The following SEL1L3 variants were observed in gnomAD, a reference collection of about 807,000 sequenced individuals.
SEL1L3 encodes protein sel-1 homolog 3.
SEL1L3 carries 76 observed loss-of-function variants against 142.8 expected under a neutral mutation model. That is an observed-to-expected ratio of 0.53 (90% confidence interval 0.44 to 0.64). The LOEUF (loss-of-function observed/expected upper bound fraction) is 0.64. SEL1L3 is among the 30% of genes least tolerant of loss of function. The pLI is 0.00. For missense variants in SEL1L3, 1,262 were observed against 1,381.7 expected, an observed-to-expected ratio of 0.91 and a Z score of 1.37; for synonymous variants, 504 against 519.6, an observed-to-expected ratio of 0.97 and a Z score of 0.41.
intron 23 of SEL1L3, chr4:25,756,731 C>A: frequency 9.0e-7 from 1 of 1,109,530 alleles, no homozygotes; most frequent in Non-Finnish European, 1.1e-6. Context: ...CAGCTAAATG[C>A]CCACTTTACG....
At position 25,819,823 on chromosome 4, in the gene SEL1L3, C is replaced by A. The variant is rs769169498; in HGVS notation, c.1408G>T (p.Glu470Ter). 1 of 1,611,564 alleles carries A rather than the reference C, an allele frequency of 6.2e-7. No individual in the cohort carries two copies. Among genetic ancestry groups the A allele is most frequent in the Non-Finnish European group, 8.5e-7 (1 of 1,179,100 alleles). ...CAACACTTACATGCTTCTTGTCTCT[C>A]GCCCCCGTGCTTTGCTGCAGATGCA... ...VYASAAKHGG[E>*]RQEACHLHNS... Residue 470 changes from glutamate (E) to a stop codon, truncating the protein, a stop_gained, in exon 8 of 24, where the codon GAG (glutamate) becomes TAG (stop). Coordinates refer to ENST00000399878, the MANE Select transcript of SEL1L3 (RefSeq NM_015187.5). LOFTEE classifies it high-confidence loss of function.
intron 7 of SEL1L3, among the ~76,000 whole-genome samples, chr4:25,820,363 G>A (rs2109258374): frequency 6.6e-6 from 1 of 152,350 alleles, no homozygotes; most frequent in South Asian, 2.1e-4. Flanking sequence ...GCAAGGCCAT[G>A]GCTTCAGGAC....
Position 25,804,641 on chromosome 4 carries a change from G to A in SEL1L3, c.1676C>T (p.Pro559Leu). 6.2e-7 allele frequency: 1 copy of A among 1,613,798 alleles called. No homozygotes were observed. Among genetic ancestry groups the A allele is most frequent in the Non-Finnish European group, 8.5e-7 (1 of 1,179,708 alleles). The change falls in exon 10 of 24, where the codon CCC becomes CTC. Residue 559 changes from proline to leucine, a missense_variant. Physicochemically the swap from Pro to Leu is moderately conservative, Grantham distance 98. Around this residue, in one of 3 missense-constraint regions of SEL1L3, gnomAD observed 435 missense variants for 559.2 expected, o/e 0.78. Coordinates refer to ENST00000399878, the MANE Select transcript of SEL1L3 (RefSeq NM_015187.5). ...ACAGCAGCTGGAATCCGTCAGAAAGGGGACGATAGAGCTAATTTGGTGAAG... is the reference window on the plus strand; with the variant it reads ...ACAGCAGCTGGAATCCGTCAGAAAGAGGACGATAGAGCTAATTTGGTGAAG... Reference protein sequence around the residue: ...DGLHQISSIVPFLTDSSCCGY... With the variant: ...DGLHQISSIVLFLTDSSCCGY...
In SEL1L3 at chr4:25,802,264, C is replaced by T; in HGVS notation, c.1956+19G>A. ...TAAACAGGGCCATAACCATTCCCAA[C>T]CTTTTTTCTCTCTCATACCTGATCT... On this transcript the variant is annotated intron_variant, in intron 11 of 23. Transcript: ENST00000399878. The T allele has an allele frequency of 6.2e-7, 1 of 1,601,342 alleles. No homozygotes were observed. The highest frequency in any genetic ancestry group is 2.2e-5 in the East Asian group (1 of 44,620).
At chr4:25,808,900 C>G (rs1485108466) in intron 9 of SEL1L3, among the ~76,000 whole-genome samples, 9 of 152,122 alleles carry the variant, frequency 5.9e-5, no homozygotes, top group Non-Finnish European at 1.3e-4. Context: ...AAACCCCTAT[C>G]TCTACTAAAA....
At chr4:25,838,065 A>C (rs1287519408) in intron 2 of SEL1L3, among the ~76,000 whole-genome samples, 1 of 152,152 alleles carries the variant, frequency 6.6e-6, no homozygotes, top group Non-Finnish European at 1.5e-5. Flanking sequence ...AGACCCCATA[A>C]ATATTTGATG....
intron 2 of SEL1L3, 92 bp downstream of exon 2, chr4:25,847,201 TC>T (rs952230193): frequency 9.6e-7 from 1 of 1,045,282 alleles, no homozygotes; most frequent in Non-Finnish European, 1.4e-6. Flanking sequence ...GTATCCCCCT[TC>T]GCTAATAGAA....
the SEL1L3 span, among the ~76,000 whole-genome samples, chr4:25,729,795 C>A: frequency 6.6e-6 from 1 of 152,152 alleles, no homozygotes; most frequent in African/African-American, 2.4e-5. Context: ...GGTGACGTGC[C>A]TGTGTTCAGT....
At chr4:25,741,173 C>T in the SEL1L3 span, among the ~76,000 whole-genome samples, 10,471 of 150,912 alleles carry the variant, frequency 0.069, 417 homozygotes, top group African/African-American at 0.11. Context: ...GGTGCGATCT[C>T]GGCTCACTGC....
At chr4:25,750,944 C>G (rs185576520) in intron 23 of SEL1L3, among the ~76,000 whole-genome samples, 48 of 152,328 alleles carry the variant, frequency 3.2e-4, no homozygotes, top group Non-Finnish European at 5.0e-4. Flanking sequence ...TACCGAGGAG[C>G]TAGCAGTTCT....
At chr4:25,787,490 T>C (rs1423279879) in intron 13 of SEL1L3, among the ~76,000 whole-genome samples, 2 of 152,282 alleles carry the variant, frequency 1.3e-5, no homozygotes, top group East Asian at 1.9e-4. Flanking sequence ...TGGCTAATTT[T>C]TGTATTTTTA....
At position 25,862,931 on chromosome 4, in the gene SEL1L3, C is replaced by A; in HGVS notation, c.-95G>T. 1 of 895,742 alleles carries A rather than the reference C, an allele frequency of 1.1e-6. No homozygotes were observed. Among genetic ancestry groups the A allele is most frequent in the Non-Finnish European group, 1.3e-6 (1 of 752,680 alleles). 55.5% of individuals were successfully genotyped at this position (895,742 alleles called of 1,614,324 possible). On this transcript the variant is annotated 5_prime_UTR_variant, in exon 1 of 24. Transcript: ENST00000399878. ...ACCTTCCCGCCCGCCCCCGGCCGGG[C>A]CGGCCGCCGCGCGCGGGGCCACCTG...
chr4:25,787,688 A>C (rs1711948685), intron 13 of SEL1L3, among the ~76,000 whole-genome samples: 1 of 152,118 alleles, frequency 6.6e-6, no homozygotes. Context: ...TATCTCACTC[A>C]ATTTGTGGTC....
intron 23 of SEL1L3, among the ~76,000 whole-genome samples, chr4:25,755,011 T>C (rs1717858703): frequency 6.6e-6 from 1 of 152,164 alleles, no homozygotes; most frequent in Non-Finnish European, 1.5e-5. Flanking sequence ...TGACAATCAC[T>C]GTTTTAAAGT....
At chr4:25,803,889 T>C (rs1349861268) in intron 10 of SEL1L3, among the ~76,000 whole-genome samples, 2 of 152,102 alleles carry the variant, frequency 1.3e-5, no homozygotes, top group African/African-American at 2.4e-5. Context: ...AATTACACTA[T>C]TGGCTTTCCT....
At chr4:25,854,042 C>T (rs982286266) in intron 1 of SEL1L3, among the ~76,000 whole-genome samples, 9 of 152,088 alleles carry the variant, frequency 5.9e-5, no homozygotes, top group African/African-American at 2.2e-4. Flanking sequence ...TTGTGGTTCA[C>T]ATTGTATTTC....
intron 1 of SEL1L3, among the ~76,000 whole-genome samples, chr4:25,855,636 C>T (rs1022226936): frequency 2.6e-5 from 4 of 152,088 alleles, no homozygotes; most frequent in Admixed American, 6.5e-5. Flanking sequence ...TGGCGGGCAC[C>T]GGTAATCCCA....
intron 11 of SEL1L3, among the ~76,000 whole-genome samples, chr4:25,797,902 C>T (rs929335123): frequency 1.3e-5 from 2 of 152,124 alleles, no homozygotes; most frequent in African/African-American, 2.4e-5. Flanking sequence ...AGAGATGTGC[C>T]TAGATGTGAC....
chr4:25,786,406 C>T (rs991344381), intron 13 of SEL1L3, among the ~76,000 whole-genome samples: 2 of 152,132 alleles, frequency 1.3e-5, no homozygotes, highest in Admixed American at 6.5e-5. Context: ...CAGAACCCCC[C>T]TCTCTGCAAA....
Sources: allele counts gnomAD v4.1 joint callset (sites outside exome capture counted in the v4.1 genomes callset), GRCh38; gene constraint gnomAD v4.1.1; regional missense constraint gnomAD v4.1.1; transcripts MANE v1.5; gene names NCBI Gene and HGNC (gene_info 2026-07-23, HGNC 2026-07-21).